Variants in CASD1 observed in about 807,000 individuals in gnomAD.
CASD1 encodes CAS1 domain sialic acid O acetyltransferase 1.
A neutral mutation model predicts 100.0 loss-of-function variants in CASD1; 41 were observed. The observed-to-expected ratio is 0.41, with a 90% CI of 0.32 to 0.53. The LOEUF (loss-of-function observed/expected upper bound fraction) is 0.53, where lower values mean the gene tolerates loss of function less well. Among genes scored for constraint, CASD1 ranks in the 20% least tolerant of loss-of-function variants. The pLI is 0.25. For synonymous variants in CASD1, 321 were observed against 315.6 expected (o/e 1.02, Z -0.18); for missense variants, 774 against 948.7 (o/e 0.82, Z 2.42).
the CASD1 span, among the ~76,000 whole-genome samples, chr7:94,611,163 T>C: frequency 6.6e-6 from 1 of 151,952 alleles, no homozygotes; most frequent in Non-Finnish European, 1.5e-5. Context: ...TTCAGAAAAA[T>C]GAAAATATAT....
At chr7:94,523,007 A>G (rs982826375) in intron 3 of CASD1, among the ~76,000 whole-genome samples, 3 of 152,200 alleles carry the variant, frequency 2.0e-5, no homozygotes, top group Non-Finnish European at 4.4e-5. Context: ...AAGTTCCAAC[A>G]ATATCAGAGA....
chr7:94,559,902 A>AT (rs1796313616), downstream of CASD1, among the ~76,000 whole-genome samples: 1 of 152,206 alleles, frequency 6.6e-6, no homozygotes, highest in Non-Finnish European at 1.5e-5. Context: ...TTTTCCCTTT[A>AT]TTTTCAAATT....
At chr7:94,581,913 A>G in the CASD1 span, among the ~76,000 whole-genome samples, 3 of 152,136 alleles carry the variant, frequency 2.0e-5, no homozygotes, top group Non-Finnish European at 2.9e-5. Flanking sequence ...GCTGGGTTGA[A>G]TGGTATTTCT....
At chr7:94,567,072 A>T in the CASD1 span, among the ~76,000 whole-genome samples, 1 of 151,510 alleles carries the variant, frequency 6.6e-6, no homozygotes, top group Non-Finnish European at 1.5e-5. Context: ...TTTCACATTT[A>T]TTCTGCTAAC....
chr7:94,551,259 T>C (rs1795932038), intron 14 of CASD1, 79 bp from the exon 15 acceptor site: 10 of 1,160,778 alleles, frequency 8.6e-6, no homozygotes, highest in Non-Finnish European at 1.2e-5. Context: ...TTTATTCATA[T>C]ATTCCTCACT....
At chr7:94,563,294 C>A in the CASD1 span, among the ~76,000 whole-genome samples, 1 of 152,148 alleles carries the variant, frequency 6.6e-6, no homozygotes, top group Non-Finnish European at 1.5e-5. Flanking sequence ...AGGCGTCTTC[C>A]ATGCAAGGGT....
At chr7:94,620,672 A>C in the CASD1 span, 1 of 152,340 alleles carries the variant, frequency 6.6e-6, no homozygotes, top group South Asian at 2.1e-4. Context: ...TTTTCTTAAA[A>C]AGTATCTAAA....
the CASD1 span, chr7:94,617,311 C>T: frequency 3.9e-5 from 6 of 152,160 alleles, no homozygotes; most frequent in South Asian, 6.2e-4. Flanking sequence ...AGTACCTCGA[C>T]GGGTGGGACC....
the CASD1 span, among the ~76,000 whole-genome samples, chr7:94,610,729 G>A: frequency 6.6e-6 from 1 of 152,070 alleles, no homozygotes; most frequent in East Asian, 1.9e-4. Flanking sequence ...CCATGGAATA[G>A]GAGAAAATAA....
chr7:94,600,505 T>C, the CASD1 span: 5 of 653,592 alleles, frequency 7.7e-6, no homozygotes, highest in East Asian at 1.1e-4. Context: ...TTTAAAGGAA[T>C]AAAGTATTGC....
the CASD1 span, chr7:94,600,465 T>C: frequency 1.7e-6 from 1 of 581,366 alleles, no homozygotes; most frequent in Non-Finnish European, 3.0e-6. Context: ...CCTAATTTGA[T>C]TTACTAGACT....
At position 94,528,236 on chromosome 7, in the gene CASD1, A is replaced by C. The variant is rs764958730; in HGVS notation, c.445A>C (p.Lys149Gln). Reference sequence around the variant, plus strand: ...TAATGGTTCTATGAAACAGTGTATCAAAGTGTGGACTGAGGTCTGTATTTA... The same window carrying C: ...TAATGGTTCTATGAAACAGTGTATCCAAGTGTGGACTGAGGTCTGTATTTA... The part of the protein sequence containing the change: ...EVNGSMKQCI[K>Q]VWTEDSIAKP... The change falls in exon 5 of 18, where the codon AAA (lysine) becomes CAA (glutamine). Residue 149 changes from lysine (K) to glutamine (Q), a missense_variant. This residue lies in a region of CASD1 where 453 missense variants were observed against 532.6 expected (regional missense o/e 0.85). Transcript: ENST00000297273. 1 of 1,606,430 alleles carries C rather than the reference A, an allele frequency of 6.2e-7. No individual in the cohort carries two copies. Among genetic ancestry groups the C allele is most frequent in the Non-Finnish European group, 8.5e-7 (1 of 1,176,560 alleles).
chr7:94,542,408 A>G (rs1795450357), intron 10 of CASD1, among the ~76,000 whole-genome samples: 1 of 150,756 alleles, frequency 6.6e-6, no homozygotes, highest in Non-Finnish European at 1.5e-5. Flanking sequence ...ATCAGTACTA[A>G]ATTCAAAAAC....
At chr7:94,541,449 A>G (rs1379220134) in intron 10 of CASD1, among the ~76,000 whole-genome samples, 1 of 151,042 alleles carries the variant, frequency 6.6e-6, no homozygotes, top group Non-Finnish European at 1.5e-5. Flanking sequence ...AAAGTATAAT[A>G]TATATGAAAT....
At chr7:94,548,660 C>G (rs1437061345) in intron 13 of CASD1, among the ~76,000 whole-genome samples, 1 of 151,790 alleles carries the variant, frequency 6.6e-6, no homozygotes, top group African/African-American at 2.4e-5. Flanking sequence ...TCAGCATTAT[C>G]TAAAATATAA....
chr7:94,510,059 C>G lies in CASD1; in HGVS notation c.-26C>G. 1 of 1,490,566 alleles carries G rather than the reference C, an allele frequency of 6.7e-7. No homozygotes were observed. The allele number at this position is 1,490,566 out of a possible 1,614,324, so 92.3% of individuals were successfully genotyped here. A position where few individuals can be genotyped will look rare whatever the true frequency, so the allele number is the denominator to read the frequency against. On this transcript the variant is annotated 5_prime_UTR_variant, in exon 1 of 18. Transcript: ENST00000297273. ...GCGGCGCCCCTTTCCCGCTCCGCCG[C>G]GCACTGTTGTCATGGAGGAACCAAG... is the stretch of plus-strand genomic sequence containing the variant.
At chr7:94,538,877 C>G (rs1471565904) in intron 9 of CASD1, 90 bp from the exon 10 acceptor site, 2 of 580,230 alleles carry the variant, frequency 3.4e-6, no homozygotes, top group African/African-American at 3.9e-5. Context: ...GCTTTATGTC[C>G]TATAAGAAAA....
chr7:94,578,942 C>T, the CASD1 span, among the ~76,000 whole-genome samples: 3 of 152,086 alleles, frequency 2.0e-5, no homozygotes, highest in African/African-American at 7.2e-5. Context: ...ATCATTTAAT[C>T]CAGGTAGCTT....
the CASD1 span, chr7:94,627,005 T>C: frequency 1.4e-4 from 21 of 152,206 alleles, no homozygotes; most frequent in East Asian, 3.9e-3. Context: ...ATATATTTCT[T>C]TTATAACTTT....
Sources: allele counts gnomAD v4.1 joint callset (sites outside exome capture counted in the v4.1 genomes callset), GRCh38; gene constraint gnomAD v4.1.1; regional missense constraint gnomAD v4.1.1; transcripts MANE v1.5; gene names NCBI Gene and HGNC (gene_info 2026-07-23, HGNC 2026-07-21).